MLIP: variants seen among roughly 807,000 people sequenced by gnomAD.
The protein encoded by MLIP is muscular LMNA-interacting protein.
MLIP carries 79 observed loss-of-function variants against 84.8 expected under a neutral mutation model. That is an observed-to-expected ratio of 0.93 (90% CI 0.78 to 1.12). MLIP has a LOEUF of 1.12. Among genes scored for constraint, MLIP ranks in the 50% most tolerant of loss-of-function variants. The pLI, the probability that MLIP is intolerant of heterozygous loss-of-function variation, is 0.00. For missense variants in MLIP, 1,257 were observed against 1,160.6 expected (o/e 1.08, Z -1.21); for synonymous variants, 504 against 463.0 (o/e 1.09, Z -1.14).
chr6:54,143,911 G>A (rs1307584258), intron 4 of MLIP, among the ~76,000 whole-genome samples: 2 of 152,096 alleles, frequency 1.3e-5, no homozygotes, highest in Non-Finnish European at 2.9e-5. Context: ...GATAGGGATG[G>A]CAAAATATTA....
chr6:54,201,352 T>C (rs1778664480), intron 10 of MLIP, among the ~76,000 whole-genome samples: 1 of 152,192 alleles, frequency 6.6e-6, no homozygotes, highest in Admixed American at 6.5e-5. Context: ...AGGAAATTCA[T>C]GTAGGCCCCT....
chr6:54,129,326 CAA>C (rs1312994375), intron 3 of MLIP, among the ~76,000 whole-genome samples: 2 of 152,046 alleles, frequency 1.3e-5, no homozygotes, highest in Admixed American at 6.6e-5. Flanking sequence ...TTGAACTTGA[CAA>C]AAAATATTTT....
intron 1 of MLIP, among the ~76,000 whole-genome samples, chr6:54,120,181 C>T (rs1770311235): frequency 6.6e-6 from 1 of 152,168 alleles, no homozygotes; most frequent in South Asian, 2.1e-4. Context: ...TCCATTTAGT[C>T]CTCAACTTAT....
chr6:54,097,931 G>T (rs1251884964), intron 1 of MLIP, among the ~76,000 whole-genome samples: 1 of 152,084 alleles, frequency 6.6e-6, no homozygotes, highest in Non-Finnish European at 1.5e-5. Context: ...TTGCACCATG[G>T]TTGCTCAATA....
chr6:54,215,184 T>A, intron 11 of MLIP: 1 of 1,535,530 alleles, frequency 6.5e-7, no homozygotes, highest in South Asian at 1.2e-5. Flanking sequence ...GTGACACGTC[T>A]GGTCCTTGGC....
chr6:54,264,254 T>A (rs1783560533), intron 13 of MLIP, among the ~76,000 whole-genome samples: 4 of 152,112 alleles, frequency 2.6e-5, no homozygotes, highest in African/African-American at 9.7e-5. Context: ...TATTCCAATA[T>A]TTTATTTAAT....
rs763483113 is a variant in MLIP at position 54,023,694 on chromosome 6, C to T, written c.63+4603C>T. Among the ~76,000 whole-genome samples the T allele has an allele frequency of 9.3e-5, 14 of 150,914 alleles. No individual in the cohort carries two copies. In the East Asian group the frequency reaches 2.0e-3, roughly 22 times the overall value. ...AAGCGATTCTCCTGCCTCAGCTTCC[C>T]GGGTAGCTGGGACTACAGGCGTGCA... On this transcript the variant is annotated intron_variant, in intron 1 of 12. Transcript: ENST00000274897.
chr6:54,203,753 T>G (rs1341178326), intron 11 of MLIP: 2 of 152,442 alleles, frequency 1.3e-5, no homozygotes, highest in African/African-American at 4.8e-5. Context: ...TCCCGGCTAA[T>G]TTTTGTAATT....
chr6:54,023,009 TA>T (rs1763584575), intron 1 of MLIP, among the ~76,000 whole-genome samples: 1 of 151,590 alleles, frequency 6.6e-6, no homozygotes, highest in Non-Finnish European at 1.5e-5. Context: ...CTACTAAAAA[TA>T]CAAAAAATTA....
rs745690556 is a variant in MLIP at position 54,160,430 on chromosome 6, G to T, written c.2353G>T (p.Glu785Ter). ...GGACAACACATTAGAACCACCAGTG[G>T]AGGTAATAACTTCAGATTACCCCTG... ...SKDNTLEPPV[E>*]LYFPAQLRQQ... The change falls in exon 6 of 14, where the codon GAG becomes TAG. Residue 785 changes from glutamate to a stop codon, truncating the protein, a stop_gained and splice_region_variant. Transcript: ENST00000502396. LOFTEE classifies it high-confidence loss of function. The T allele has an allele frequency of 1.9e-6, 3 of 1,612,354 alleles. No homozygotes were observed. The Admixed American group carries it at 5.0e-5, about 27-fold the overall frequency.
chr6:54,265,161 A>G (rs1271271301), intron 13 of MLIP, among the ~76,000 whole-genome samples: 2 of 152,126 alleles, frequency 1.3e-5, no homozygotes, highest in Non-Finnish European at 2.9e-5. Context: ...AGTTCTGGTC[A>G]GTTCCTCCAT....
chr6:54,086,388 G>A (rs536459258), intron 1 of MLIP, among the ~76,000 whole-genome samples: 94 of 152,238 alleles, frequency 6.2e-4, no homozygotes, highest in African/African-American at 2.2e-3. Flanking sequence ...CTATTTATGT[G>A]TGTATGTTTA....
At chr6:54,199,406 T>C (rs1034013400) in intron 10 of MLIP, among the ~76,000 whole-genome samples, 1 of 152,176 alleles carries the variant, frequency 6.6e-6, no homozygotes, top group African/African-American at 2.4e-5. Flanking sequence ...ATCTAAAATA[T>C]TGAGTTCAGT....
chr6:54,041,023 T>C (rs1309091598), intron 1 of MLIP: 1 of 152,078 alleles, frequency 6.6e-6, no homozygotes, highest in African/African-American at 2.4e-5. Context: ...CATCACAAAA[T>C]GTACCCATGT....
At chr6:54,121,738 A>G in intron 2 of MLIP, 136 bp downstream of exon 2, 1 of 673,012 alleles carries the variant, frequency 1.5e-6, no homozygotes, top group South Asian at 2.1e-5. Context: ...AAATATAATA[A>G]TGCAACAGAA....
chr6:54,266,187 C>T lies in MLIP; in HGVS notation c.*232C>T, dbSNP rs1783672148. On this transcript the variant is annotated 3_prime_UTR_variant, in exon 14 of 14. Coordinates refer to ENST00000502396, the MANE Select transcript of MLIP (RefSeq NM_001281747.2). ...CAGCTTTTTGCACCACTGTTCTAGC[C>T]TTTAATGCCTTCTACTTAATATTAA... is the stretch of plus-strand genomic sequence containing the variant. 3.7e-6 allele frequency: 2 copies of T among 537,040 alleles called. No individual in the cohort carries two copies. 33.3% of individuals were successfully genotyped at this position (537,040 alleles called of 1,614,324 possible). A position where few individuals can be genotyped will look rare whatever the true frequency, so the allele number is the denominator to read the frequency against.
chr6:54,232,858 G>GCTGAA (rs1349132520), intron 12 of MLIP, among the ~76,000 whole-genome samples: 1 of 152,104 alleles, frequency 6.6e-6, no homozygotes, highest in Non-Finnish European at 1.5e-5. Context: ...GGAGAACCAT[G>GCTGAA]CTGAACTTGT....
chr6:54,266,071 C>G lies in MLIP; in HGVS notation c.*116C>G. On this transcript the variant is annotated 3_prime_UTR_variant, in exon 14 of 14. Transcript: ENST00000502396. The stretch of plus-strand genomic sequence containing the variant: ...CCAGAATGAGTGCTCCCTTTATGAG[C>G]TGCAGTGCAGCAGAACCAAAAAAAA... 1 of 1,029,118 alleles carries G rather than the reference C, an allele frequency of 9.7e-7. No homozygotes were observed. Among genetic ancestry groups the G allele is most frequent in the South Asian group, 1.4e-5 (1 of 70,272 alleles). The allele number at this position is 1,029,118 out of a possible 1,614,324, so 63.7% of individuals were successfully genotyped here. A position where few individuals can be genotyped will look rare whatever the true frequency, so the allele number is the denominator to read the frequency against.
chr6:54,148,115 C>G (rs1320740962), intron 4 of MLIP, among the ~76,000 whole-genome samples: 3 of 152,090 alleles, frequency 2.0e-5, no homozygotes, highest in Non-Finnish European at 4.4e-5. Context: ...TCTGCAGACA[C>G]TTTGTTTTGC....
Sources: gnomAD v4.1 joint callset for allele counts (sites outside exome capture counted in the v4.1 genomes callset) on GRCh38, gnomAD v4.1.1 for gene constraint, MANE v1.5 for transcripts, NCBI Gene and HGNC (gene_info 2026-07-23, HGNC 2026-07-21) for gene names.